The following UNC5D variants were observed in gnomAD, a reference collection of about 807,000 sequenced individuals.
UNC5D encodes the protein unc-5 netrin receptor D, also known as netrin receptor UNC5D.
In UNC5D, 39 loss-of-function variants were observed where a neutral mutation model predicts 105.4. The observed-to-expected ratio is 0.37, with a 90% CI of 0.29 to 0.48. The LOEUF (loss-of-function observed/expected upper bound fraction) is 0.48. Ranked by LOEUF, UNC5D falls within the 20% of genes least tolerant of loss-of-function variation. UNC5D has a pLI of 0.98. For missense variants in UNC5D, 991 were observed against 1,202.4 expected (o/e 0.82, Z 2.60); for synonymous variants, 452 against 450.4 (o/e 1.00, Z -0.04).
intron 11 of UNC5D, among the ~76,000 whole-genome samples, chr8:35,747,484 A>T (rs974540875): frequency 2.0e-5 from 3 of 152,184 alleles, no homozygotes; most frequent in African/African-American, 7.2e-5. Context: ...CCTAGGTAGT[A>T]TAAGTAAAAG....
intron 1 of UNC5D, among the ~76,000 whole-genome samples, chr8:35,365,442 A>C (rs75887636): frequency 0.012 from 1,796 of 152,102 alleles, 39 homozygotes; most frequent in African/African-American, 0.042. Context: ...ATCTGAAAAA[A>C]ACCAATGCAT....
At chr8:35,275,761 A>G (rs1340217697) in intron 1 of UNC5D, among the ~76,000 whole-genome samples, 2 of 152,226 alleles carry the variant, frequency 1.3e-5, no homozygotes, top group Non-Finnish European at 2.9e-5. Flanking sequence ...GCTTGAAGTA[A>G]CATATGTAAA....
chr8:35,254,855 A>G (rs1269316762), intron 1 of UNC5D: 2 of 152,212 alleles, frequency 1.3e-5, no homozygotes, highest in Non-Finnish European at 2.9e-5. Flanking sequence ...CACCCAGCAC[A>G]GGGCTATGTT....
intron 4 of UNC5D, among the ~76,000 whole-genome samples, chr8:35,625,878 A>G (rs995951925): frequency 1.3e-5 from 2 of 152,186 alleles, no homozygotes; most frequent in African/African-American, 4.8e-5. Flanking sequence ...TTATTGATCT[A>G]AAAACCCTGT....
chr8:35,592,827 G>A (rs760098835), intron 3 of UNC5D, among the ~76,000 whole-genome samples: 1 of 152,052 alleles, frequency 6.6e-6, no homozygotes, highest in Non-Finnish European at 1.5e-5. Flanking sequence ...CCCAGTCATT[G>A]CCTTTAATCT....
At chr8:35,710,805 C>G (rs145307945) in intron 8 of UNC5D, among the ~76,000 whole-genome samples, 33 of 152,292 alleles carry the variant, frequency 2.2e-4, no homozygotes, top group Non-Finnish European at 3.4e-4. Flanking sequence ...TCTTCATTCC[C>G]ACACCAGGAT....
chr8:35,598,951 T>C (rs1241866006), intron 4 of UNC5D, among the ~76,000 whole-genome samples: 1 of 152,014 alleles, frequency 6.6e-6, no homozygotes. Context: ...GAGACCAGCC[T>C]GCCTAACATG....
At chr8:35,760,023 C>T (rs891260271) in intron 14 of UNC5D, among the ~76,000 whole-genome samples, 3 of 150,598 alleles carry the variant, frequency 2.0e-5, no homozygotes, top group Non-Finnish European at 4.4e-5. Flanking sequence ...AAAGAAAGAA[C>T]ATGGCTTTTA....
intron 1 of UNC5D, among the ~76,000 whole-genome samples, chr8:35,467,634 T>A (rs1273965884): frequency 6.7e-6 from 1 of 150,328 alleles, no homozygotes; most frequent in Non-Finnish European, 1.5e-5. Flanking sequence ...TCAATAACTG[T>A]CTCCAAATAT....
At chr8:35,626,483 C>G (rs1304257292) in intron 4 of UNC5D, among the ~76,000 whole-genome samples, 2 of 152,170 alleles carry the variant, frequency 1.3e-5, no homozygotes, top group Non-Finnish European at 2.9e-5. Context: ...GGAAACCATG[C>G]TCCTAGGCTA....
At position 35,426,532 on chromosome 8, in the gene UNC5D, C is replaced by A. The variant is rs189476626; in HGVS notation, c.104-122760C>A. ...GTATCTTTGCTCTGCTAAACATACTCTTCTAGTATCACACTAGGAGAGTTA... is the reference window on the plus strand; with the variant it reads ...GTATCTTTGCTCTGCTAAACATACTATTCTAGTATCACACTAGGAGAGTTA... On this transcript the variant is annotated intron_variant, in intron 1 of 16. Coordinates refer to ENST00000404895, the MANE Select transcript of UNC5D (RefSeq NM_080872.4). Among the ~76,000 whole-genome samples, 918 of 152,270 alleles carry A rather than the reference C, an allele frequency of 6.0e-3. 10 individuals carry two copies. Among genetic ancestry groups the A allele is most frequent in the African/African-American group, 0.021 (871 of 41,558 alleles).
intron 4 of UNC5D, among the ~76,000 whole-genome samples, chr8:35,599,626 C>T (rs1295739634): frequency 6.6e-6 from 1 of 152,082 alleles, no homozygotes; most frequent in Non-Finnish European, 1.5e-5. Context: ...TAGCCCTACA[C>T]AAAATGTAAA....
intron 1 of UNC5D, among the ~76,000 whole-genome samples, chr8:35,287,270 C>G (rs1176320888): frequency 6.6e-6 from 1 of 151,982 alleles, no homozygotes; most frequent in African/African-American, 2.4e-5. Context: ...GTGTAATAGA[C>G]CCAGAATAAA....
chr8:35,286,012 G>A (rs1174186901), intron 1 of UNC5D, among the ~76,000 whole-genome samples: 1 of 152,094 alleles, frequency 6.6e-6, no homozygotes, highest in Non-Finnish European at 1.5e-5. Flanking sequence ...ATAAAATATA[G>A]TAACGATTTA....
intron 1 of UNC5D, among the ~76,000 whole-genome samples, chr8:35,524,646 A>AC (rs1171078905): frequency 6.8e-6 from 1 of 147,020 alleles, no homozygotes; most frequent in Non-Finnish European, 1.5e-5. Context: ...TGTGCAAAAA[A>AC]AAAAAAAAAG....
intron 3 of UNC5D, among the ~76,000 whole-genome samples, chr8:35,576,492 A>G (rs538586292): frequency 6.6e-6 from 1 of 152,342 alleles, no homozygotes; most frequent in Non-Finnish European, 1.5e-5. Context: ...TTCTATGGCC[A>G]CAGCTCCCTA....
At chr8:35,301,977 G>A (rs937171844) in intron 1 of UNC5D, among the ~76,000 whole-genome samples, 3 of 152,136 alleles carry the variant, frequency 2.0e-5, no homozygotes, top group African/African-American at 7.2e-5. Context: ...GAGAGAGAAT[G>A]AGAGAGAACA....
chr8:35,367,903 A>G lies in UNC5D; in HGVS notation c.103+132016A>G, dbSNP rs182854171. 1.5e-4 allele frequency among the ~76,000 whole-genome samples: 23 copies of G among 152,208 alleles called. No individual in the cohort carries two copies. In the East Asian group the frequency reaches 3.9e-3, roughly 26 times the overall value. Reference sequence around the variant, plus strand: ...TTTACAAGGCCCTTTGCTCCTTGCTATCTCTCTCCCTCGTTTGTTTCTCTA... The same window carrying G: ...TTTACAAGGCCCTTTGCTCCTTGCTGTCTCTCTCCCTCGTTTGTTTCTCTA... On this transcript the variant is annotated intron_variant, in intron 1 of 16. Transcript: ENST00000404895.
intron 1 of UNC5D, among the ~76,000 whole-genome samples, chr8:35,345,302 C>T (rs71513754): frequency 0.04 from 6,096 of 151,632 alleles, 179 homozygotes; most frequent in Middle Eastern, 0.061. Flanking sequence ...TTGCTTGCAT[C>T]GGCAGAGAAA....
Sources: allele counts gnomAD v4.1 joint callset (sites outside exome capture counted in the v4.1 genomes callset), GRCh38; gene constraint gnomAD v4.1.1; transcripts MANE v1.5; gene names NCBI Gene and HGNC (gene_info 2026-07-23, HGNC 2026-07-21).